FBXL13: variants seen among roughly 807,000 people sequenced by gnomAD.
The protein encoded by FBXL13 is F-box and leucine rich repeat protein 13, also known as F-box and leucine-rich repeat protein 13.
In FBXL13, 67 loss-of-function variants were observed where a neutral mutation model predicts 83.6. The observed-to-expected ratio is 0.80, with a 90% confidence interval of 0.66 to 0.98. FBXL13 has a LOEUF of 0.98. FBXL13 is among the 50% of genes least tolerant of loss of function. The pLI, the probability that FBXL13 is intolerant of heterozygous loss-of-function variation, is 0.00. For synonymous variants in FBXL13, 272 were observed against 299.5 expected (o/e 0.91, Z 0.95); for missense variants, 822 against 866.5 (o/e 0.95, Z 0.64).
At chr7:102,952,180 C>A (rs1823530785) in intron 8 of FBXL13, among the ~76,000 whole-genome samples, 1 of 152,056 alleles carries the variant, frequency 6.6e-6, no homozygotes, top group Admixed American at 6.6e-5. Flanking sequence ...ATGGTGGTTG[C>A]CAGGACCTAG....
chr7:102,943,855 T>C (rs1438305636), intron 8 of FBXL13, among the ~76,000 whole-genome samples: 2 of 152,186 alleles, frequency 1.3e-5, no homozygotes, highest in Non-Finnish European at 2.9e-5. Flanking sequence ...TAAATTTCTG[T>C]CTTCATGACA....
At chr7:103,028,642 G>C in exon 4 of FBXL13, 2 of 1,597,978 alleles carry the variant, frequency 1.3e-6, no homozygotes, top group Non-Finnish European at 8.5e-7. Flanking sequence ...GAGTGCCAGT[G>C]ATGAAATACA....
intron 11 of FBXL13, among the ~76,000 whole-genome samples, chr7:102,885,502 C>T (rs1810675936): frequency 1.3e-5 from 2 of 151,392 alleles, no homozygotes; most frequent in South Asian, 4.2e-4. Context: ...AAGAATTCTT[C>T]ATATATTCTG....
intron 17 of FBXL13, among the ~76,000 whole-genome samples, chr7:102,842,730 T>TGA (rs1394014903): frequency 2.6e-5 from 4 of 152,216 alleles, no homozygotes; most frequent in Non-Finnish European, 5.9e-5. Flanking sequence ...AGGTAGGTAC[T>TGA]CCTGGGCCTT....
chr7:102,868,407 G>T (rs938935753), intron 16 of FBXL13, among the ~76,000 whole-genome samples: 1 of 152,078 alleles, frequency 6.6e-6, no homozygotes, highest in African/African-American at 2.4e-5. Context: ...GAGATCATGA[G>T]ATATTTGTCT....
intron 6 of FBXL13, among the ~76,000 whole-genome samples, chr7:102,998,257 T>G (rs1262233355): frequency 6.6e-6 from 1 of 152,218 alleles, no homozygotes; most frequent in Non-Finnish European, 1.5e-5. Flanking sequence ...CTTTTTATGT[T>G]CTCTTTGCTA....
At chr7:102,934,762 C>T (rs1819964910) in intron 8 of FBXL13, 1 of 1,254,026 alleles carries the variant, frequency 8.0e-7, no homozygotes, top group Non-Finnish European at 1.1e-6. Flanking sequence ...TCCCTACATC[C>T]CACCATGTCT....
In FBXL13 at chr7:103,043,001, A is replaced by T. The variant is rs999175013; in HGVS notation, c.-1+12643T>A. Reference sequence around the variant, plus strand: ...TAATTAAACTAAAGAGCTTCTGCTCAGCAAAAGAAACTATCATCAGAGTGA... The same window carrying T: ...TAATTAAACTAAAGAGCTTCTGCTCTGCAAAAGAAACTATCATCAGAGTGA... On this transcript the variant is annotated intron_variant, in intron 2 of 19. Coordinates refer to ENST00000313221, the Ensembl canonical transcript of FBXL13. Among the ~76,000 whole-genome samples, 3 of 152,360 alleles carry T rather than the reference A, an allele frequency of 2.0e-5. No homozygotes were observed. The East Asian group carries it at 5.8e-4, about 29-fold the overall frequency.
intron 1 of FBXL13, among the ~76,000 whole-genome samples, chr7:103,059,920 A>G (rs1265862155): frequency 6.6e-6 from 1 of 150,832 alleles, no homozygotes; most frequent in Non-Finnish European, 1.5e-5. Context: ...GGGGGATAAT[A>G]AAGGTTCATA....
At chr7:102,939,345 A>G (rs1307012012) in intron 8 of FBXL13, 2 of 1,178,370 alleles carry the variant, frequency 1.7e-6, no homozygotes, top group African/African-American at 3.1e-5. Context: ...TTAAGAGCTG[A>G]TTCTTCAATC....
intron 5 of FBXL13, among the ~76,000 whole-genome samples, chr7:103,026,841 G>T (rs1048461988): frequency 2.6e-5 from 4 of 151,684 alleles, no homozygotes; most frequent in African/African-American, 4.8e-5. Context: ...ATATTTCAAA[G>T]AATATTAATA....
intron 2 of FBXL13, among the ~76,000 whole-genome samples, chr7:103,048,309 C>G (rs1464148741): frequency 1.3e-5 from 2 of 151,648 alleles, no homozygotes; most frequent in Non-Finnish European, 2.9e-5. Context: ...AAAATGATGA[C>G]TCAAAAAATT....
intron 6 of FBXL13, among the ~76,000 whole-genome samples, chr7:103,007,378 A>G (rs1791099603): frequency 6.6e-6 from 1 of 152,128 alleles, no homozygotes; most frequent in Non-Finnish European, 1.5e-5. Context: ...AAAAGCAGAA[A>G]AAAAAAATTT....
intron 8 of FBXL13, chr7:102,933,882 C>T (rs755454174): frequency 5.1e-6 from 8 of 1,557,180 alleles, no homozygotes; most frequent in Non-Finnish European, 7.0e-6. Flanking sequence ...CCGTCTGTAA[C>T]ACGAAGTAAT....
chr7:102,832,812 G>A (rs1562922840), intron 18 of FBXL13, 28 bp downstream of exon 19: 1 of 1,613,096 alleles, frequency 6.2e-7, no homozygotes, highest in African/African-American at 1.3e-5. Flanking sequence ...TAAATTGGAT[G>A]TGTTTGAGCC....
intron 6 of FBXL13, among the ~76,000 whole-genome samples, chr7:102,991,902 C>T (rs994365861): frequency 4.6e-5 from 7 of 152,158 alleles, no homozygotes; most frequent in African/African-American, 1.4e-4. Flanking sequence ...GCTGGCTCTG[C>T]TCCTGACTGC....
chr7:103,056,323 G>T (rs1439448236), intron 1 of FBXL13, among the ~76,000 whole-genome samples: 2 of 152,142 alleles, frequency 1.3e-5, no homozygotes, highest in East Asian at 1.9e-4. Context: ...TGCTGTTATA[G>T]ATGTGTGTGC....
chr7:102,863,454 A>T (rs11978768), intron 16 of FBXL13, among the ~76,000 whole-genome samples: 28,803 of 151,632 alleles, frequency 0.19, 2,999 homozygotes, highest in East Asian at 0.43. Flanking sequence ...ATGCCTTTTT[A>T]ATTTGTTTTT....
intron 16 of FBXL13, among the ~76,000 whole-genome samples, chr7:102,862,440 A>G (rs1807011208): frequency 6.6e-6 from 1 of 152,170 alleles, no homozygotes; most frequent in South Asian, 2.1e-4. Flanking sequence ...TTGTGAAAAT[A>G]GCATAATTTG....
Sources: gnomAD v4.1 joint callset for allele counts (sites outside exome capture counted in the v4.1 genomes callset) on GRCh38, gnomAD v4.1.1 for gene constraint, MANE v1.5 for transcripts, NCBI Gene and HGNC (gene_info 2026-07-23, HGNC 2026-07-21) for gene names.